RGS6: variants seen among roughly 807,000 people sequenced by gnomAD.
The protein encoded by RGS6 is regulator of G protein signaling 6.
Under a neutral mutation model 78.5 loss-of-function variants are expected in RGS6, and 30 were observed. The ratio of observed to expected loss-of-function variants is 0.38; its 90% CI spans 0.29 to 0.52. The LOEUF (loss-of-function observed/expected upper bound fraction) is 0.52, where lower values mean the gene tolerates loss of function less well. Ranked by LOEUF, RGS6 falls within the 20% of genes least tolerant of loss-of-function variation. RGS6 has a pLI of 0.85. For synonymous variants in RGS6, 206 were observed against 206.0 expected (o/e 1.00, Z 0.00); for missense variants, 495 against 609.7 (o/e 0.81, Z 1.98).
intron 2 of RGS6, among the ~76,000 whole-genome samples, chr14:72,149,349 C>T (rs528716286): frequency 6.6e-6 from 1 of 152,306 alleles, no homozygotes; most frequent in East Asian, 1.9e-4. Context: ...TTAGAGTTCA[C>T]TCTTCAATGG....
At chr14:72,114,958 T>C (rs769416309) in intron 2 of RGS6, among the ~76,000 whole-genome samples, 4 of 152,236 alleles carry the variant, frequency 2.6e-5, no homozygotes, top group Non-Finnish European at 5.9e-5. Context: ...CCAGCCTGTT[T>C]TGTGGGAAGA....
chr14:72,626,148 T>A, the RGS6 span, among the ~76,000 whole-genome samples: 2 of 152,188 alleles, frequency 1.3e-5, no homozygotes, highest in East Asian at 3.8e-4. Flanking sequence ...CCCTACATCT[T>A]GGTTGATTTT....
chr14:72,315,926 C>T (rs2070046405), intron 2 of RGS6, among the ~76,000 whole-genome samples: 1 of 152,210 alleles, frequency 6.6e-6, no homozygotes, highest in South Asian at 2.1e-4. Flanking sequence ...CTACTTCTAC[C>T]ACAGAGGCCA....
chr14:72,020,122 A>G (rs1166194777), intron 2 of RGS6, among the ~76,000 whole-genome samples: 1 of 152,216 alleles, frequency 6.6e-6, no homozygotes, highest in African/African-American at 2.4e-5. Context: ...TATTTGCTGA[A>G]TGAGCTGATC....
chr14:72,541,478 G>C, intron 17 of RGS6: 1 of 1,535,694 alleles, frequency 6.5e-7, no homozygotes. Context: ...AGAATGTGCA[G>C]AACACAAGGC....
At chr14:72,618,921 A>T in the RGS6 span, among the ~76,000 whole-genome samples, 2 of 152,068 alleles carry the variant, frequency 1.3e-5, no homozygotes, top group Non-Finnish European at 2.9e-5. Context: ...CACAATAGAT[A>T]AAAAAACACC....
At chr14:72,065,818 A>T (rs547675278) in intron 2 of RGS6, among the ~76,000 whole-genome samples, 1 of 151,770 alleles carries the variant, frequency 6.6e-6, no homozygotes, top group Non-Finnish European at 1.5e-5. Context: ...CATGTGCACA[A>T]TGTGCAGGTT....
chr14:72,506,886 C>T lies in RGS6; in HGVS notation c.966-3268C>T, dbSNP rs2096807744. Among the ~76,000 whole-genome samples, 3 of 147,610 alleles carry T rather than the reference C, an allele frequency of 2.0e-5. No homozygotes were observed. The South Asian group carries it at 6.5e-4, about 32-fold the overall frequency. The stretch of plus-strand genomic sequence containing the variant: ...AAAGCAGGCTGGGCATAGTGGCTCA[C>T]GCCTGTAATCCCAGCACTTTGGGAG... On this transcript the variant is annotated intron_variant, in intron 13 of 17. Transcript: ENST00000553525.
intron 3 of RGS6, among the ~76,000 whole-genome samples, chr14:72,430,557 G>C (rs1254051771): frequency 2.6e-5 from 4 of 152,174 alleles, no homozygotes; most frequent in Non-Finnish European, 4.4e-5. Flanking sequence ...CCCAGCCCTA[G>C]GTCTCCAGCT....
intron 3 of RGS6, among the ~76,000 whole-genome samples, chr14:72,396,875 A>G (rs1299177100): frequency 6.6e-6 from 1 of 152,056 alleles, no homozygotes; most frequent in Non-Finnish European, 1.5e-5. Context: ...CATTATTTCT[A>G]AGAGCTCTGT....
At chr14:71,877,575 G>A in the RGS6 span, among the ~76,000 whole-genome samples, 10 of 152,212 alleles carry the variant, frequency 6.6e-5, 1 homozygote, top group South Asian at 6.2e-4. Flanking sequence ...TTAGCCATTC[G>A]TCTAATCTTT....
intron 2 of RGS6, among the ~76,000 whole-genome samples, chr14:72,157,261 A>T (rs1490240584): frequency 6.6e-6 from 1 of 152,084 alleles, no homozygotes; most frequent in Non-Finnish European, 1.5e-5. Context: ...CTCAAAGTGG[A>T]CTCCTAGGAA....
At chr14:72,287,380 T>C (rs1451925456) in intron 2 of RGS6, among the ~76,000 whole-genome samples, 1 of 152,228 alleles carries the variant, frequency 6.6e-6, no homozygotes, top group Non-Finnish European at 1.5e-5. Context: ...ATTATCTTAT[T>C]CTTGATCTTA....
At chr14:72,529,112 T>C (rs1439319331) in intron 15 of RGS6, among the ~76,000 whole-genome samples, 2 of 152,162 alleles carry the variant, frequency 1.3e-5, no homozygotes, top group East Asian at 3.9e-4. Context: ...GTTCAATAAC[T>C]GGATCATCAA....
intron 2 of RGS6, among the ~76,000 whole-genome samples, chr14:72,081,222 T>C (rs1449632513): frequency 6.6e-6 from 1 of 152,102 alleles, no homozygotes; most frequent in African/African-American, 2.4e-5. Context: ...TACAGATTTT[T>C]CAATTCCTGG....
At chr14:72,386,124 G>A (rs2152919822) in intron 3 of RGS6, among the ~76,000 whole-genome samples, 1 of 152,220 alleles carries the variant, frequency 6.6e-6, no homozygotes. Flanking sequence ...GGGCAGCAAA[G>A]GTTGAATGTC....
intron 16 of RGS6, 76 bp downstream of exon 16, chr14:72,536,351 A>G (rs973131737): frequency 7.8e-6 from 8 of 1,027,508 alleles, no homozygotes; most frequent in Admixed American, 5.1e-5. Flanking sequence ...TTGAAATGAG[A>G]ATATCATCCC....
intron 2 of RGS6, among the ~76,000 whole-genome samples, chr14:71,987,265 A>G (rs183528062): frequency 6.6e-6 from 1 of 152,088 alleles, no homozygotes; most frequent in Non-Finnish European, 1.5e-5. Context: ...TAAGTCTGGG[A>G]TGTCTGTTTG....
At chr14:72,154,196 G>A (rs941277081) in intron 2 of RGS6, among the ~76,000 whole-genome samples, 1 of 152,130 alleles carries the variant, frequency 6.6e-6, no homozygotes, top group African/African-American at 2.4e-5. Flanking sequence ...GACCCCGCAG[G>A]CAGTCAGACC....
Sources: allele counts gnomAD v4.1 joint callset (sites outside exome capture counted in the v4.1 genomes callset), GRCh38; gene constraint gnomAD v4.1.1; transcripts MANE v1.5; gene names NCBI Gene and HGNC (gene_info 2026-07-23, HGNC 2026-07-21).